The following PLA2G4E variants were observed in gnomAD, a reference collection of about 807,000 sequenced individuals.
The protein encoded by PLA2G4E is phospholipase A2 group IVE, also known as cytosolic phospholipase A2 epsilon.
In PLA2G4E, 84 loss-of-function variants were observed where a neutral mutation model predicts 109.1. That is an observed-to-expected ratio of 0.77 (90% CI 0.65 to 0.92). PLA2G4E has a LOEUF of 0.92. PLA2G4E is among the 40% of genes least tolerant of loss of function. The probability of loss-of-function intolerance (pLI) is 0.00; values close to 1 mark genes in which losing one functional copy is unlikely to be tolerated. For missense variants in PLA2G4E, 1,057 were observed against 1,076.6 expected (o/e 0.98, Z 0.25); for synonymous variants, 469 against 436.1 (o/e 1.08, Z -0.94).
In PLA2G4E at chr15:41,999,648, T is replaced by A. The variant is rs1034249514; in HGVS notation, c.937-87A>T. ...TCCACACTGTCCACCCAGACCCCAC[T>A]CAGCACACACGTGCACACACAGGCG... On this transcript the variant is annotated intron_variant, in intron 9 of 19. Transcript: ENST00000399518. 2.0e-6 allele frequency: 3 copies of A among 1,513,576 alleles called. No individual in the cohort carries two copies. The Admixed American group carries it at 5.7e-5, about 29-fold the overall frequency. 93.8% of individuals were successfully genotyped at this position (1,513,576 alleles called of 1,614,324 possible). A position where few individuals can be genotyped will look rare whatever the true frequency, so the allele number is the denominator to read the frequency against.
chr15:42,008,735 A>G (rs2141051289), intron 2 of PLA2G4E, among the ~76,000 whole-genome samples: 1 of 152,250 alleles, frequency 6.6e-6, no homozygotes. Context: ...AGGGGCCATG[A>G]CTGCCCCTGT....
At chr15:42,011,159 G>A (rs751477560) in intron 2 of PLA2G4E, among the ~76,000 whole-genome samples, 2 of 152,264 alleles carry the variant, frequency 1.3e-5, no homozygotes, top group Non-Finnish European at 2.9e-5. Flanking sequence ...GCAACAGGGG[G>A]GTTTCCAAAG....
chr15:42,049,274 T>C (rs1307335762), intron 1 of PLA2G4E, among the ~76,000 whole-genome samples: 1 of 152,192 alleles, frequency 6.6e-6, no homozygotes, highest in Non-Finnish European at 1.5e-5. Flanking sequence ...GAGCCTCCAG[T>C]CCACCTGGGT....
chr15:42,045,735 C>G (rs530065518), intron 1 of PLA2G4E, among the ~76,000 whole-genome samples: 1 of 152,178 alleles, frequency 6.6e-6, no homozygotes, highest in Non-Finnish European at 1.5e-5. Flanking sequence ...TCTTCCCCTT[C>G]GCTTCTGTCT....
intron 1 of PLA2G4E, among the ~76,000 whole-genome samples, chr15:42,015,339 G>A (rs139800481): frequency 2.6e-5 from 4 of 152,234 alleles, no homozygotes; most frequent in Non-Finnish European, 5.9e-5. Context: ...CCGAGGGACC[G>A]CAGCGCTCTC....
At chr15:41,987,013 G>A (rs969329044) in intron 17 of PLA2G4E, 159 bp downstream of exon 17, 15 of 733,548 alleles carry the variant, frequency 2.0e-5, no homozygotes, top group East Asian at 1.9e-4. Context: ...TGTTCAAGAC[G>A]ACACCACCAA....
chr15:42,048,255 G>A (rs1189894302), intron 1 of PLA2G4E, among the ~76,000 whole-genome samples: 1 of 152,178 alleles, frequency 6.6e-6, no homozygotes, highest in Non-Finnish European at 1.5e-5. Context: ...AGTGAGCTAT[G>A]CTACCTAGGT....
At chr15:42,010,832 A>G (rs925262990) in intron 2 of PLA2G4E, among the ~76,000 whole-genome samples, 1 of 148,380 alleles carries the variant, frequency 6.7e-6, no homozygotes, top group Non-Finnish European at 1.5e-5. Flanking sequence ...TCTTTCAGTT[A>G]TCGAGGAGTC....
At chr15:42,028,618 G>A (rs1359928792) in intron 1 of PLA2G4E, among the ~76,000 whole-genome samples, 20 of 152,038 alleles carry the variant, frequency 1.3e-4, no homozygotes, top group Non-Finnish European at 2.6e-4. Context: ...TGTGGGCCAG[G>A]CTGGTGTCAA....
intron 2 of PLA2G4E, among the ~76,000 whole-genome samples, chr15:42,011,383 G>A (rs866430349): frequency 2.0e-4 from 30 of 152,366 alleles, no homozygotes; most frequent in Middle Eastern, 3.4e-3. Context: ...CATGCATGGG[G>A]GCATGCAGCC....
chr15:41,985,868 G>T, exon 18 of PLA2G4E: 1 of 1,611,284 alleles, frequency 6.2e-7, no homozygotes, highest in South Asian at 1.1e-5. Flanking sequence ...CAGTAGTTGA[G>T]GTGGATGATG....
intron 11 of PLA2G4E, among the ~76,000 whole-genome samples, chr15:41,996,858 G>T (rs1207505728): frequency 1.3e-5 from 2 of 152,182 alleles, no homozygotes; most frequent in Non-Finnish European, 2.9e-5. Flanking sequence ...CCTGAGTAAG[G>T]CCCCTTTAGC....
intron 16 of PLA2G4E, among the ~76,000 whole-genome samples, chr15:41,987,839 G>A (rs558794024): frequency 2.0e-5 from 3 of 152,182 alleles, no homozygotes; most frequent in South Asian, 2.1e-4. Flanking sequence ...CCTCATCCTC[G>A]GTTTGTGGTC....
exon 20 of PLA2G4E, chr15:41,983,577 C>CTTT: frequency 1.6e-6 from 1 of 614,204 alleles, no homozygotes; most frequent in South Asian, 2.1e-5. Flanking sequence ...CTCTCTCTCT[C>CTTT]TTTCTGACTT....
chr15:41,996,379 A>AAAAAAAAAAAG (rs2068341412), intron 11 of PLA2G4E, among the ~76,000 whole-genome samples: 1 of 116,816 alleles, frequency 8.6e-6, no homozygotes, highest in East Asian at 2.5e-4. Flanking sequence ...AAAAAAAAAA[A>AAAAAAAAAAAG]GGAGGGAGGA....
At position 42,050,527 on chromosome 15, in the gene PLA2G4E, G is replaced by GC; in HGVS notation, c.176dup (p.Ser60LeufsTer2). ...CCCAGGAACACAGACATACCTCAGA[G>GC]CCCCAAGGAGCCATAGGACAGAAAG... On this transcript the variant is annotated frameshift_variant, in exon 1 of 20. Coordinates refer to ENST00000399518, the Ensembl canonical transcript of PLA2G4E. LOFTEE classifies it high-confidence loss of function. 1 of 1,550,216 alleles carries GC rather than the reference G, an allele frequency of 6.5e-7. No homozygotes were observed. Among genetic ancestry groups the GC allele is most frequent in the East Asian group, 2.4e-5 (1 of 40,904 alleles).
At position 41,984,632 on chromosome 15, in the gene PLA2G4E, A is replaced by G; in HGVS notation, c.2203-13T>C. ...TTTGTTTCAGGGGCTGGAACAGCAC[A>G]GAGGGCGTGTTTGAGCATTAGGAGG... is the stretch of plus-strand genomic sequence containing the variant. On this transcript the variant is annotated splice_polypyrimidine_tract_variant and intron_variant, in intron 18 of 19. Transcript: ENST00000399518. 1 of 1,577,062 alleles carries G rather than the reference A, an allele frequency of 6.3e-7. No homozygotes were observed. Among genetic ancestry groups the G allele is most frequent in the Non-Finnish European group, 8.7e-7 (1 of 1,154,614 alleles).
At chr15:42,014,323 C>T (rs1358703966) in intron 1 of PLA2G4E, among the ~76,000 whole-genome samples, 1 of 152,206 alleles carries the variant, frequency 6.6e-6, no homozygotes, top group East Asian at 1.9e-4. Context: ...ATAGCATGCT[C>T]ATATCTAGAA....
At position 41,990,251 on chromosome 15, in the gene PLA2G4E, A is replaced by ATGGTTAAAGAGAAGCAGCAGCCCAG; in HGVS notation, c.1471-41_1471-17dup. 6.2e-7 allele frequency: 1 copy of ATGGTTAAAGAGAAGCAGCAGCCCAG among 1,610,312 alleles called. No individual in the cohort carries two copies. Among genetic ancestry groups the ATGGTTAAAGAGAAGCAGCAGCCCAG allele is most frequent in the South Asian group, 1.1e-5 (1 of 90,974 alleles). ...ATTCATTTCTCTGTGGGGAAACAAA[A>ATGGTTAAAGAGAAGCAGCAGCCCAG]TGGTTAAAGAGAAGCAGCAGCCCAG... On this transcript the variant is annotated splice_polypyrimidine_tract_variant and intron_variant, in intron 13 of 19. Coordinates refer to ENST00000399518, the Ensembl canonical transcript of PLA2G4E.
Sources: gnomAD v4.1 joint callset for allele counts (sites outside exome capture counted in the v4.1 genomes callset) on GRCh38, gnomAD v4.1.1 for gene constraint, MANE v1.5 for transcripts, NCBI Gene and HGNC (gene_info 2026-07-23, HGNC 2026-07-21) for gene names.